Variants in TEAD1 observed in about 807,000 individuals in gnomAD.
The protein encoded by TEAD1 is TEA domain transcription factor 1.
In TEAD1, 9 loss-of-function variants were observed where a neutral mutation model predicts 54.9. The observed-to-expected ratio is 0.16, with a 90% confidence interval of 0.10 to 0.29. The LOEUF is 0.29. Among genes scored for constraint, TEAD1 ranks in the 10% least tolerant of loss-of-function variants. The pLI, the probability that TEAD1 is intolerant of heterozygous loss-of-function variation, is 1.00. For synonymous variants in TEAD1, 200 were observed against 187.8 expected, an observed-to-expected ratio of 1.07 and a Z score of -0.53; for missense variants, 387 against 535.9, an observed-to-expected ratio of 0.72 and a Z score of 2.74.
At chr11:12,927,150 A>G (rs376034822) in intron 11 of TEAD1, among the ~76,000 whole-genome samples, 61 of 152,338 alleles carry the variant, frequency 4.0e-4, no homozygotes, top group African/African-American at 1.4e-3. Context: ...TGATAAAATC[A>G]CAGGAATTTT....
intron 2 of TEAD1, among the ~76,000 whole-genome samples, chr11:12,744,422 G>C (rs1429417785): frequency 3.3e-5 from 5 of 152,168 alleles, no homozygotes; most frequent in Non-Finnish European, 7.3e-5. Flanking sequence ...AGAATATTAT[G>C]TACCTCTTAA....
rs539950644 is a variant in TEAD1, at chr11:12,852,424, C to T, written c.203-9826C>T. 2.7e-5 allele frequency among the ~76,000 whole-genome samples: 4 copies of T among 150,002 alleles called. No individual in the cohort carries two copies. In the East Asian group the frequency reaches 8.0e-4, roughly 30 times the overall value. On this transcript the variant is annotated intron_variant, in intron 3 of 12. Coordinates refer to ENST00000527636, the MANE Select transcript of TEAD1 (RefSeq NM_021961.6). ...CACAGTTGGGGGCAGCAAGTTCAGG[C>T]TCCATTAAATCTCATCTTTTTTTCC...
chr11:12,843,601 A>G (rs1453833622), intron 3 of TEAD1, among the ~76,000 whole-genome samples: 1 of 152,200 alleles, frequency 6.6e-6, no homozygotes, highest in Non-Finnish European at 1.5e-5. Context: ...ATATTAATCT[A>G]ATGGATTGTT....
At chr11:12,699,279 C>T (rs955831818) in intron 2 of TEAD1, among the ~76,000 whole-genome samples, 2 of 152,044 alleles carry the variant, frequency 1.3e-5, no homozygotes, top group Non-Finnish European at 2.9e-5. Flanking sequence ...TGTATACCTA[C>T]CTATTTCTCA....
chr11:12,740,808 T>TG (rs968106360), intron 2 of TEAD1, among the ~76,000 whole-genome samples: 2 of 151,994 alleles, frequency 1.3e-5, no homozygotes, highest in Non-Finnish European at 2.9e-5. Flanking sequence ...AGGTGAGATT[T>TG]GGGTGGGGAC....
At chr11:12,785,792 C>T (rs896182635) in intron 3 of TEAD1, among the ~76,000 whole-genome samples, 5 of 152,192 alleles carry the variant, frequency 3.3e-5, no homozygotes, top group South Asian at 2.1e-4. Context: ...GGAATAACAT[C>T]GTGAGCATAT....
At chr11:12,747,966 A>ATT (rs11387620) in intron 2 of TEAD1, among the ~76,000 whole-genome samples, 53,810 of 146,986 alleles carry the variant, frequency 0.37, 10,256 homozygotes, top group South Asian at 0.62. Context: ...GATCCCTGCA[A>ATT]TTTTTTTTTT....
intron 2 of TEAD1, among the ~76,000 whole-genome samples, chr11:12,757,193 T>G (rs1273846225): frequency 6.6e-6 from 1 of 152,214 alleles, no homozygotes; most frequent in African/African-American, 2.4e-5. Context: ...ACTGTCTGTA[T>G]GCTGCCCTTT....
chr11:12,777,083 G>A (rs1212703849), intron 3 of TEAD1, among the ~76,000 whole-genome samples: 2 of 151,712 alleles, frequency 1.3e-5, no homozygotes, highest in Non-Finnish European at 2.9e-5. Flanking sequence ...GTGAACCACC[G>A]CACCCAGCCT....
intron 3 of TEAD1, among the ~76,000 whole-genome samples, chr11:12,848,109 T>C (rs1478039806): frequency 6.6e-6 from 1 of 152,174 alleles, no homozygotes; most frequent in East Asian, 1.9e-4. Context: ...AGTACATCTA[T>C]CCATCTAATC....
At chr11:12,746,885 G>C (rs2133900370) in intron 2 of TEAD1, among the ~76,000 whole-genome samples, 1 of 152,368 alleles carries the variant, frequency 6.6e-6, no homozygotes, top group South Asian at 2.1e-4. Context: ...CAGGGGCTGG[G>C]ATGCCACAGA....
At chr11:12,907,199 G>C (rs927412038) in intron 10 of TEAD1, among the ~76,000 whole-genome samples, 16 of 152,082 alleles carry the variant, frequency 1.1e-4, no homozygotes, top group Non-Finnish European at 1.9e-4. Context: ...TCTTAGATGA[G>C]GGGCTGGTAA....
intron 3 of TEAD1, among the ~76,000 whole-genome samples, chr11:12,808,394 G>A (rs138563457): frequency 1.9e-3 from 293 of 152,312 alleles, no homozygotes; most frequent in African/African-American, 6.3e-3. Context: ...CCACCATGAT[G>A]TAAGGGTCTG....
intron 9 of TEAD1, among the ~76,000 whole-genome samples, chr11:12,894,959 A>G (rs1589968302): frequency 6.6e-6 from 1 of 152,216 alleles, no homozygotes; most frequent in African/African-American, 2.4e-5. Context: ...CTAAGTATAC[A>G]TATTTCCACT....
intron 2 of TEAD1, among the ~76,000 whole-genome samples, chr11:12,751,410 A>C (rs1429733858): frequency 6.6e-6 from 1 of 152,160 alleles, no homozygotes; most frequent in Non-Finnish European, 1.5e-5. Context: ...AGTTCAGTTC[A>C]TTTGTACTGG....
At chr11:12,924,815 A>G in intron 10 of TEAD1, 97 bp from the exon 11 acceptor site, 1 of 1,454,688 alleles carries the variant, frequency 6.9e-7, no homozygotes, top group East Asian at 2.3e-5. Flanking sequence ...AGCCCTCTTC[A>G]TTCAGCCAAG....
chr11:12,777,766 A>C (rs965227953), intron 3 of TEAD1, among the ~76,000 whole-genome samples: 1 of 152,202 alleles, frequency 6.6e-6, no homozygotes, highest in Admixed American at 6.5e-5. Context: ...ATTATGAAAG[A>C]TGCTATTTAG....
chr11:12,813,578 A>T (rs1263535596), intron 3 of TEAD1, among the ~76,000 whole-genome samples: 2 of 152,218 alleles, frequency 1.3e-5, no homozygotes. Context: ...CATTTCTGGA[A>T]ATATGAGGAG....
intron 3 of TEAD1, among the ~76,000 whole-genome samples, chr11:12,794,309 G>T (rs1158974367): frequency 6.6e-6 from 1 of 152,182 alleles, no homozygotes; most frequent in Non-Finnish European, 1.5e-5. Flanking sequence ...ATCCTCATTA[G>T]CGTGATAGTC....
Sources: allele counts gnomAD v4.1 joint callset (sites outside exome capture counted in the v4.1 genomes callset), GRCh38; gene constraint gnomAD v4.1.1; transcripts MANE v1.5; gene names NCBI Gene and HGNC (gene_info 2026-07-23, HGNC 2026-07-21).